Variants in CA8 observed in about 807,000 individuals in gnomAD.
CA8 encodes carbonic anhydrase-related protein.
CA8 carries 22 observed loss-of-function variants against 41.4 expected under a neutral mutation model. The ratio of observed to expected loss-of-function variants is 0.53; its 90% CI spans 0.38 to 0.76. The LOEUF is 0.76. CA8 is among the 30% of genes least tolerant of loss of function. CA8 has a pLI of 0.00. For missense variants in CA8, 270 were observed against 352.8 expected, an observed-to-expected ratio of 0.77 and a Z score of 1.88; for synonymous variants, 121 against 130.6, an observed-to-expected ratio of 0.93 and a Z score of 0.50.
At chr8:60,249,952 T>A (rs890704764) in intron 3 of CA8, among the ~76,000 whole-genome samples, 33 of 152,154 alleles carry the variant, frequency 2.2e-4, no homozygotes, top group African/African-American at 6.8e-4. Flanking sequence ...TTAGCGACAA[T>A]CATAATACGC....
intron 2 of CA8, among the ~76,000 whole-genome samples, chr8:60,277,304 G>C (rs2130632331): frequency 6.6e-6 from 1 of 152,036 alleles, no homozygotes; most frequent in Non-Finnish European, 1.5e-5. Flanking sequence ...AGGTGGGGAA[G>C]AGCAGGGGAT....
chr8:60,272,386 C>T (rs1156367564), intron 2 of CA8, among the ~76,000 whole-genome samples: 1 of 140,868 alleles, frequency 7.1e-6, no homozygotes, highest in Admixed American at 7.0e-5. Context: ...TGACTTTATC[C>T]TACAAAAAAA....
chr8:60,207,383 T>C (rs1247193454), intron 8 of CA8, among the ~76,000 whole-genome samples: 1 of 152,182 alleles, frequency 6.6e-6, no homozygotes, highest in East Asian at 1.9e-4. Context: ...CCCAGACTTG[T>C]TTTCTGTTCT....
chr8:60,243,343 A>C (rs904715227), intron 3 of CA8, among the ~76,000 whole-genome samples: 1 of 151,232 alleles, frequency 6.6e-6, no homozygotes, highest in African/African-American at 2.4e-5. Context: ...AGGGTCTTTC[A>C]TCCACCAGCT....
intron 3 of CA8, among the ~76,000 whole-genome samples, chr8:60,237,179 C>T (rs1807862694): frequency 6.6e-6 from 1 of 152,232 alleles, no homozygotes; most frequent in Non-Finnish European, 1.5e-5. Context: ...AGTCCTACAA[C>T]TCTTTAGCTC....
At chr8:60,214,011 T>A (rs867207953) in intron 7 of CA8, among the ~76,000 whole-genome samples, 1 of 152,196 alleles carries the variant, frequency 6.6e-6, no homozygotes, top group South Asian at 2.1e-4. Context: ...ACCTACTGAA[T>A]CAGCAACACA....
At chr8:60,265,375 A>C (rs866406852) in intron 3 of CA8, 1 of 159,418 alleles carries the variant, frequency 6.3e-6, no homozygotes, top group Non-Finnish European at 1.4e-5. Context: ...CACAGAAGAC[A>C]TAAGATTTCA....
At chr8:60,234,291 A>G (rs1285112802) in intron 3 of CA8, among the ~76,000 whole-genome samples, 1 of 152,230 alleles carries the variant, frequency 6.6e-6, no homozygotes, top group African/African-American at 2.4e-5. Context: ...AGCCAAAAGA[A>G]GCCTAAGAAG....
At chr8:60,238,968 G>A (rs1164392395) in intron 3 of CA8, among the ~76,000 whole-genome samples, 4 of 152,142 alleles carry the variant, frequency 2.6e-5, no homozygotes, top group Non-Finnish European at 5.9e-5. Context: ...AGGGAGGAGG[G>A]GAGACAGTGG....
intron 3 of CA8, among the ~76,000 whole-genome samples, chr8:60,244,576 G>A (rs1808154698): frequency 6.6e-6 from 1 of 152,126 alleles, no homozygotes; most frequent in South Asian, 2.1e-4. Context: ...TTAAAATTCA[G>A]CACTATTTCA....
intron 8 of CA8, among the ~76,000 whole-genome samples, chr8:60,207,891 G>A (rs377071628): frequency 1.5e-3 from 234 of 152,306 alleles, no homozygotes; most frequent in Middle Eastern, 0.014. Context: ...GAATAGTTGG[G>A]ACTACAAGCG....
chr8:60,262,150 A>G (rs1803753500), intron 3 of CA8, among the ~76,000 whole-genome samples: 1 of 152,214 alleles, frequency 6.6e-6, no homozygotes, highest in African/African-American at 2.4e-5. Context: ...GAGTTAGGCT[A>G]CTTTGAAGCA....
chr8:60,261,740 C>T (rs1028538372), intron 3 of CA8, among the ~76,000 whole-genome samples: 2 of 152,132 alleles, frequency 1.3e-5, no homozygotes, highest in African/African-American at 4.8e-5. Flanking sequence ...GTTGGTCTCC[C>T]CATCACTTTC....
chr8:60,275,981 C>G (rs930858138), intron 2 of CA8, among the ~76,000 whole-genome samples: 1 of 152,172 alleles, frequency 6.6e-6, no homozygotes, highest in Non-Finnish European at 1.5e-5. Flanking sequence ...CCCAGACTGC[C>G]GCTCCAGGCT....
intron 3 of CA8, among the ~76,000 whole-genome samples, chr8:60,263,681 C>A (rs1803811179): frequency 6.6e-6 from 1 of 152,204 alleles, no homozygotes. Flanking sequence ...CCTGTATGAG[C>A]CAACTCGTCC....
Position 60,281,312 on chromosome 8 carries a change from G to C in CA8, c.-165C>G. 1 of 621,094 alleles carries C rather than the reference G, an allele frequency of 1.6e-6. No homozygotes were observed. Among genetic ancestry groups the C allele is most frequent in the Non-Finnish European group, 2.9e-6 (1 of 349,010 alleles). 38.5% of individuals were successfully genotyped at this position (621,094 alleles called of 1,614,324 possible). On this transcript the variant is annotated 5_prime_UTR_variant, in exon 1 of 9. Transcript: ENST00000317995. Reference sequence around the variant, plus strand: ...GGTGTGAACCGCAGTGTGAGTGCAAGCAGGCGTGCGTTCGGACCGAGTGTT... The same window carrying C: ...GGTGTGAACCGCAGTGTGAGTGCAACCAGGCGTGCGTTCGGACCGAGTGTT...
chr8:60,237,261 T>C (rs141126015), intron 3 of CA8, among the ~76,000 whole-genome samples: 8 of 152,362 alleles, frequency 5.3e-5, no homozygotes, highest in Admixed American at 2.0e-4. Flanking sequence ...TCTTAAAAGC[T>C]TGGATTATTC....
chr8:60,265,800 A>T, intron 3 of CA8, 125 bp downstream of exon 3: 1 of 1,102,392 alleles, frequency 9.1e-7, no homozygotes, highest in Non-Finnish European at 1.3e-6. Context: ...CATTTTTTAA[A>T]TTTTAGTATA....
At chr8:60,258,125 G>T (rs929281485) in intron 3 of CA8, among the ~76,000 whole-genome samples, 2 of 152,146 alleles carry the variant, frequency 1.3e-5, no homozygotes, top group African/African-American at 4.8e-5. Flanking sequence ...CACGCTCCCT[G>T]CCCATCAGCC....
Sources: allele counts gnomAD v4.1 joint callset (sites outside exome capture counted in the v4.1 genomes callset), GRCh38; gene constraint gnomAD v4.1.1; transcripts MANE v1.5; gene names NCBI Gene and HGNC (gene_info 2026-07-23, HGNC 2026-07-21).